Variants in PPP1R13B observed in about 807,000 individuals in gnomAD.
PPP1R13B encodes protein phosphatase 1 regulatory subunit 13B.
In PPP1R13B, 44 loss-of-function variants were observed where a neutral mutation model predicts 119.8. That is an observed-to-expected ratio of 0.37 (90% CI 0.29 to 0.47). The LOEUF (loss-of-function observed/expected upper bound fraction) is 0.47, where lower values mean the gene tolerates loss of function less well. Among genes scored for constraint, PPP1R13B ranks in the 20% least tolerant of loss-of-function variants. The pLI, the probability that PPP1R13B is intolerant of heterozygous loss-of-function variation, is 0.99. For synonymous variants in PPP1R13B, 542 were observed against 561.5 expected (o/e 0.97, Z 0.49); for missense variants, 1,227 against 1,413.5 (o/e 0.87, Z 2.12).
Position 103,784,871 on chromosome 14 carries a change from C to G in PPP1R13B, c.201G>C (p.Gln67His), listed in dbSNP as rs769710850. Residue 67 changes from glutamine to histidine, a missense_variant, in exon 3 of 17, where the codon CAG becomes CAC. Coordinates refer to ENST00000202556, the MANE Select transcript of PPP1R13B (RefSeq NM_015316.3). ...CTTCTTCCCTCCGTGGACCCCATTT[C>G]TGAAGATGTTCGTACATCATATGAT... ...PFDHMMYEHLQKWGPRREEVK... is the reference protein window; with the variant it reads ...PFDHMMYEHLHKWGPRREEVK... 15 of 1,608,480 alleles carry G rather than the reference C, an allele frequency of 9.3e-6. No homozygotes were observed. The highest frequency in any genetic ancestry group is 1.1e-5 in the Non-Finnish European group (13 of 1,175,884).
chr14:103,739,740 AGCCT>A, intron 12 of PPP1R13B, 80 bp downstream of exon 12: 1 of 1,439,322 alleles, frequency 6.9e-7, no homozygotes, highest in Non-Finnish European at 9.2e-7. Context: ...CTCCCAGCAC[AGCCT>A]GACCAAGGGA....
intron 2 of PPP1R13B, 112 bp from the exon 3 acceptor site, chr14:103,785,026 G>T: frequency 1.1e-6 from 1 of 908,146 alleles, no homozygotes. Context: ...ATGTCTACAT[G>T]TTACAATTCA....
chr14:103,762,654 C>A, intron 4 of PPP1R13B: 1 of 513,510 alleles, frequency 1.9e-6, no homozygotes. Flanking sequence ...GCCACTGCTG[C>A]AGCCTCTGGA....
chr14:103,821,000 A>G lies in PPP1R13B; in HGVS notation c.10-23482T>C, dbSNP rs553915129. Reference sequence around the variant, plus strand: ...TTGAAAGCATTCAATTAAAAGGGTTATGTTGAGATTTCAAGCTATCAAAAA... The same window carrying G: ...TTGAAAGCATTCAATTAAAAGGGTTGTGTTGAGATTTCAAGCTATCAAAAA... On this transcript the variant is annotated intron_variant, in intron 1 of 16. Coordinates refer to ENST00000202556, the MANE Select transcript of PPP1R13B (RefSeq NM_015316.3). Among the ~76,000 whole-genome samples, 4 of 152,280 alleles carry G rather than the reference A, an allele frequency of 2.6e-5. No homozygotes were observed. In the East Asian group the frequency reaches 5.8e-4, roughly 22 times the overall value.
chr14:103,767,979 A>C (rs1401558994), intron 4 of PPP1R13B, among the ~76,000 whole-genome samples: 1 of 152,138 alleles, frequency 6.6e-6, no homozygotes, highest in Non-Finnish European at 1.5e-5. Context: ...ATAAAATCTG[A>C]GAGGAGACTT....
intron 9 of PPP1R13B, 29 bp downstream of exon 9, chr14:103,746,344 C>A: frequency 1.7e-6 from 2 of 1,146,974 alleles, no homozygotes; most frequent in Admixed American, 2.9e-5. Context: ...CACAAACTCT[C>A]CCCCAGGAAG....
chr14:103,832,659 CTCAGCTTAAGATCCA>C (rs2152078269), intron 1 of PPP1R13B, among the ~76,000 whole-genome samples: 1 of 152,286 alleles, frequency 6.6e-6, no homozygotes, highest in Admixed American at 6.5e-5. Context: ...CACTTTACAT[CTCAGCTTAAGATCCA>C]TCAGCTGGGC....
At chr14:103,802,820 G>A (rs893215942) in intron 1 of PPP1R13B, among the ~76,000 whole-genome samples, 1 of 152,120 alleles carries the variant, frequency 6.6e-6, no homozygotes, top group Non-Finnish European at 1.5e-5. Flanking sequence ...TTTTAAAAGC[G>A]AAGAACACCC....
At position 103,742,279 on chromosome 14, in the gene PPP1R13B, C is replaced by A; in HGVS notation, c.1333G>T (p.Gly445Cys). The change falls in exon 11 of 17, where the codon GGT becomes TGT. Residue 445 changes from glycine to cysteine, a missense_variant. Gly to Cys is a radical substitution (Grantham distance 159). Transcript: ENST00000202556. The surrounding 1 kb of genome is among the most constrained non-coding windows in gnomAD (Gnocchi z 4.9). ...GPTEKPGIEIGKVPPPIPGVG... is the reference protein window; with the variant it reads ...GPTEKPGIEICKVPPPIPGVG... ...CCCGGGATGGGAGGTGGCACTTTAC[C>A]AATCTCGATGCCCTAAGTTTAGGTG... The A allele has an allele frequency of 6.4e-7, 1 of 1,560,218 alleles. No individual in the cohort carries two copies. The highest frequency in any genetic ancestry group is 8.6e-7 in the Non-Finnish European group (1 of 1,159,314).
chr14:103,753,234 G>A (rs1218812544), intron 6 of PPP1R13B, 38 bp from the exon 7 acceptor site: 6 of 1,480,792 alleles, frequency 4.1e-6, no homozygotes, highest in East Asian at 2.3e-5. Flanking sequence ...AAAAGATTTA[G>A]TTGATCCTTT....
intron 1 of PPP1R13B, among the ~76,000 whole-genome samples, chr14:103,838,920 CAGTAA>C (rs1256937618): frequency 2.6e-5 from 4 of 152,338 alleles, no homozygotes; most frequent in East Asian, 1.9e-4. Context: ...TTACCTGCTA[CAGTAA>C]AGTCACCTAG....
chr14:103,803,912 A>C, intron 1 of PPP1R13B: 1 of 382,564 alleles, frequency 2.6e-6, no homozygotes, highest in Non-Finnish European at 3.6e-6. Context: ...GCCCATCTTG[A>C]CCCAACCTCA....
chr14:103,765,986 T>TTTTTTATTA lies in PPP1R13B; in HGVS notation c.355-8236_355-8235insTAATAAAAA, dbSNP rs141588292. Among the ~76,000 whole-genome samples the TTTTTTATTA allele has an allele frequency of 3.5e-3, 493 of 139,056 alleles. 3 individuals carry two copies. Among genetic ancestry groups the TTTTTTATTA allele is most frequent in the African/African-American group, 0.013 (476 of 36,346 alleles). The allele number at this position is 139,056 out of a possible 152,430, so 91.2% of individuals were successfully genotyped here. A position where few individuals can be genotyped will look rare whatever the true frequency, so the allele number is the denominator to read the frequency against. ...AAAAACTCTCGGAGGAAATTTTTAT[T>TTTTTTATTA]TTATTATTATTATTATTATTATTAT... On this transcript the variant is annotated intron_variant, in intron 4 of 16. Coordinates refer to ENST00000202556, the MANE Select transcript of PPP1R13B (RefSeq NM_015316.3).
In PPP1R13B at chr14:103,734,730, T is replaced by C. The variant is rs1006153891; in HGVS notation, c.*424A>G. 2.0e-5 allele frequency: 9 copies of C among 460,662 alleles called. No homozygotes were observed. Among genetic ancestry groups the C allele is most frequent in the Non-Finnish European group, 3.5e-5 (8 of 229,680 alleles). 28.5% of individuals were successfully genotyped at this position (460,662 alleles called of 1,614,324 possible). Reference sequence around the variant, plus strand: ...GAGAAAGGATGAGTGTCCGATTCGGTGACGGGGGGCAGGGCGGTCGCAGGG... The same window carrying C: ...GAGAAAGGATGAGTGTCCGATTCGGCGACGGGGGGCAGGGCGGTCGCAGGG... On this transcript the variant is annotated 3_prime_UTR_variant, in exon 17 of 17. Transcript: ENST00000202556.
intron 16 of PPP1R13B, among the ~76,000 whole-genome samples, chr14:103,735,465 C>T (rs10134689): frequency 0.078 from 11,853 of 152,282 alleles, 590 homozygotes; most frequent in Admixed American, 0.16. Context: ...GTCATAAGCT[C>T]CCCTGGGCAA....
At position 103,775,327 on chromosome 14, in the gene PPP1R13B, C is replaced by T. The variant is rs535579872; in HGVS notation, c.354+3418G>A. Among the ~76,000 whole-genome samples the T allele has an allele frequency of 8.0e-5, 12 of 150,794 alleles. No individual in the cohort carries two copies. The East Asian group carries it at 1.4e-3, about 17-fold the overall frequency. On this transcript the variant is annotated intron_variant, in intron 4 of 16. Transcript: ENST00000202556. ...TCTCGCTCTGTCACCCAGGCTGGAGCGCAGTGGTGCAATCTCAGCTCACTG... is the reference window on the plus strand; with the variant it reads ...TCTCGCTCTGTCACCCAGGCTGGAGTGCAGTGGTGCAATCTCAGCTCACTG...
At chr14:103,778,624 TC>T (rs373978969) in intron 4 of PPP1R13B, 120 bp downstream of exon 4, 4 of 763,644 alleles carry the variant, frequency 5.2e-6, no homozygotes, top group African/African-American at 5.2e-5. Flanking sequence ...CCAGCTGATC[TC>T]AAACTCCTGC....
chr14:103,806,695 C>T (rs576634556), intron 1 of PPP1R13B, among the ~76,000 whole-genome samples: 157 of 152,260 alleles, frequency 1.0e-3, no homozygotes, highest in Non-Finnish European at 1.8e-3. Flanking sequence ...CTCAATTAGC[C>T]TCTCAAAGAC....
At chr14:103,756,934 A>T (rs1042218565) in intron 5 of PPP1R13B, among the ~76,000 whole-genome samples, 3 of 151,472 alleles carry the variant, frequency 2.0e-5, no homozygotes, top group African/African-American at 4.9e-5. Context: ...AATTTTTTTT[A>T]AATATTTTTA....
Sources: gnomAD v4.1 joint callset for allele counts (sites outside exome capture counted in the v4.1 genomes callset) on GRCh38, gnomAD v4.1.1 for gene constraint, Gnocchi (gnomAD v3.1) non-coding constraint, MANE v1.5 for transcripts, NCBI Gene and HGNC (gene_info 2026-07-23, HGNC 2026-07-21) for gene names.